The following DPH6 variants were observed in gnomAD, a reference collection of about 807,000 sequenced individuals.
The protein encoded by DPH6 is diphthine--ammonia ligase.
Under a neutral mutation model 38.2 loss-of-function variants are expected in DPH6, and 33 were observed. The ratio of observed to expected loss-of-function variants is 0.86; its 90% CI spans 0.65 to 1.15. The LOEUF (loss-of-function observed/expected upper bound fraction) is 1.15, where lower values mean the gene tolerates loss of function less well. Among genes scored for constraint, DPH6 ranks in the 50% most tolerant of loss-of-function variants. DPH6 has a pLI of 0.00. For missense variants in DPH6, 325 were observed against 320.0 expected (o/e 1.02, Z -0.12); for synonymous variants, 108 against 103.0 (o/e 1.05, Z -0.30).
intron 5 of DPH6, 50 bp from the exon 6 acceptor site, chr15:35,410,946 T>TA: frequency 6.5e-7 from 1 of 1,532,798 alleles, no homozygotes; most frequent in Non-Finnish European, 8.9e-7. Context: ...ATAGGAACTT[T>TA]AAAGACACAT....
intron 3 of DPH6, among the ~76,000 whole-genome samples, chr15:35,236,204 G>C (rs1237329148): frequency 6.6e-6 from 1 of 152,146 alleles, no homozygotes; most frequent in Non-Finnish European, 1.5e-5. Context: ...GTCCATATAA[G>C]TAGTCAAAAA....
intron 3 of DPH6, among the ~76,000 whole-genome samples, chr15:35,344,407 A>G (rs2052445762): frequency 6.6e-6 from 1 of 151,962 alleles, no homozygotes; most frequent in South Asian, 2.1e-4. Flanking sequence ...ATATGACCTG[A>G]ATAAGGAATG....
intron 3 of DPH6, among the ~76,000 whole-genome samples, chr15:35,225,367 C>T (rs2140387924): frequency 6.6e-6 from 1 of 152,290 alleles, no homozygotes; most frequent in South Asian, 2.1e-4. Context: ...TATTCCTCTC[C>T]TTTCATGCTC....
At chr15:35,251,174 T>C (rs1483133131) in intron 3 of DPH6, among the ~76,000 whole-genome samples, 2 of 152,190 alleles carry the variant, frequency 1.3e-5, no homozygotes, top group Non-Finnish European at 2.9e-5. Context: ...TTCTCCATTT[T>C]TCTTTCTTTC....
intron 3 of DPH6, among the ~76,000 whole-genome samples, chr15:35,475,617 TG>T (rs2054254709): frequency 6.6e-6 from 1 of 151,942 alleles, no homozygotes; most frequent in African/African-American, 2.4e-5. Flanking sequence ...TAGACTTTTC[TG>T]ATGTTGTTGC....
At chr15:35,259,144 CAAAA>C (rs3028681) in intron 3 of DPH6, among the ~76,000 whole-genome samples, 12 of 133,838 alleles carry the variant, frequency 9.0e-5, no homozygotes, top group South Asian at 2.4e-4. Flanking sequence ...GACTCCGTCT[CAAAA>C]AAAAAAAAAA....
chr15:35,496,470 G>A (rs981819230), intron 3 of DPH6, among the ~76,000 whole-genome samples: 3 of 148,578 alleles, frequency 2.0e-5, no homozygotes, highest in South Asian at 2.1e-4. Context: ...CAGGAGAATC[G>A]CTAGAACCCG....
chr15:35,184,202 G>A, the DPH6 span, among the ~76,000 whole-genome samples: 7 of 152,146 alleles, frequency 4.6e-5, no homozygotes, highest in African/African-American at 1.7e-4. Flanking sequence ...TGTTTACTGT[G>A]TTTCTGTAGA....
chr15:35,441,685 A>G (rs1479935296), intron 5 of DPH6, among the ~76,000 whole-genome samples: 4 of 152,214 alleles, frequency 2.6e-5, no homozygotes, highest in East Asian at 1.9e-4. Flanking sequence ...GGGGAGGGAT[A>G]GCATTAGGAG....
intron 3 of DPH6, among the ~76,000 whole-genome samples, chr15:35,500,897 C>A (rs1262409394): frequency 6.6e-6 from 1 of 152,042 alleles, no homozygotes; most frequent in Non-Finnish European, 1.5e-5. Flanking sequence ...CCTGCCACCA[C>A]GCCCAGCTAA....
chr15:35,299,288 CTGGGG>C, intron 3 of DPH6: 2 of 1,036,390 alleles, frequency 1.9e-6, no homozygotes, highest in East Asian at 4.7e-5. Flanking sequence ...AGGTCAATGA[CTGGGG>C]CAAGAACTGT....
intron 3 of DPH6, among the ~76,000 whole-genome samples, chr15:35,300,446 T>C (rs2052047173): frequency 6.6e-6 from 1 of 152,152 alleles, no homozygotes; most frequent in Non-Finnish European, 1.5e-5. Flanking sequence ...CGGGTTATGA[T>C]TGTAAGAACG....
At chr15:35,458,829 A>G (rs2054028352) in intron 3 of DPH6, among the ~76,000 whole-genome samples, 3 of 152,348 alleles carry the variant, frequency 2.0e-5, no homozygotes, top group Admixed American at 2.0e-4. Context: ...TAAAATACAT[A>G]ATGCAATCCT....
chr15:35,449,378 G>T (rs1047405680), intron 5 of DPH6, among the ~76,000 whole-genome samples: 1 of 151,908 alleles, frequency 6.6e-6, no homozygotes, highest in African/African-American at 2.4e-5. Context: ...ACACAATATC[G>T]GTTATATACT....
At chr15:35,242,066 C>G (rs1483731403) in intron 3 of DPH6, among the ~76,000 whole-genome samples, 1 of 144,662 alleles carries the variant, frequency 6.9e-6, no homozygotes, top group Non-Finnish European at 1.5e-5. Flanking sequence ...TCATCCCAGC[C>G]TCTCTTCGCT....
chr15:35,216,391 A>G (rs1447989485), downstream of DPH6, among the ~76,000 whole-genome samples: 1 of 152,230 alleles, frequency 6.6e-6, no homozygotes, highest in African/African-American at 2.4e-5. Context: ...TTCATGAATT[A>G]TAACAGTAAT....
At chr15:35,491,621 T>C (rs1380959336) in intron 3 of DPH6, among the ~76,000 whole-genome samples, 1 of 151,656 alleles carries the variant, frequency 6.6e-6, no homozygotes, top group African/African-American at 2.4e-5. Flanking sequence ...TATCGATATA[T>C]AGATTTATGT....
chr15:35,401,181 T>G, intron 6 of DPH6: 3 of 1,174,346 alleles, frequency 2.6e-6, no homozygotes, highest in Non-Finnish European at 2.5e-6. Context: ...ACTGTGAAGT[T>G]AGGAAAGCCC....
intron 3 of DPH6, among the ~76,000 whole-genome samples, chr15:35,363,758 T>G (rs143287463): frequency 1.3e-5 from 2 of 152,124 alleles, no homozygotes; most frequent in Non-Finnish European, 2.9e-5. Flanking sequence ...ATTATTCTAT[T>G]TTTTCGTACT....
Sources: gnomAD v4.1 joint callset for allele counts (sites outside exome capture counted in the v4.1 genomes callset) on GRCh38, gnomAD v4.1.1 for gene constraint, MANE v1.5 for transcripts, NCBI Gene and HGNC (gene_info 2026-07-23, HGNC 2026-07-21) for gene names.